Variants in INVS observed in about 807,000 individuals in gnomAD.
The protein encoded by INVS is inversion of embryo turning homolog.
Under a neutral mutation model 108.8 loss-of-function variants are expected in INVS, and 86 were observed. The ratio of observed to expected loss-of-function variants is 0.79; its 90% CI spans 0.66 to 0.95. The LOEUF is 0.95. Ranked by LOEUF, INVS falls within the 40% of genes least tolerant of loss-of-function variation. INVS has a pLI of 0.00. For synonymous variants in INVS, 455 were observed against 473.5 expected, an observed-to-expected ratio of 0.96 and a Z score of 0.51; for missense variants, 1,169 against 1,297.4, an observed-to-expected ratio of 0.90 and a Z score of 1.52.
At chr9:100,140,925 C>A (rs895011836) in intron 3 of INVS, among the ~76,000 whole-genome samples, 1 of 152,076 alleles carries the variant, frequency 6.6e-6, no homozygotes, top group Non-Finnish European at 1.5e-5. Flanking sequence ...ATTGGGAGGA[C>A]CTAGGACATT....
chr9:100,286,674 C>G (rs1013896591), intron 13 of INVS, among the ~76,000 whole-genome samples: 1 of 152,196 alleles, frequency 6.6e-6, no homozygotes, highest in African/African-American at 2.4e-5. Context: ...ATCCAACCAG[C>G]TTTAATTAAG....
chr9:100,153,920 T>C (rs1828885142), intron 3 of INVS, among the ~76,000 whole-genome samples: 1 of 152,218 alleles, frequency 6.6e-6, no homozygotes, highest in African/African-American at 2.4e-5. Flanking sequence ...GATACTGTCA[T>C]AACGATGATT....
At chr9:100,124,480 A>G (rs914044584) in intron 2 of INVS, among the ~76,000 whole-genome samples, 54 of 151,376 alleles carry the variant, frequency 3.6e-4, no homozygotes, top group African/African-American at 1.2e-3. Flanking sequence ...CAGGAGGCTG[A>G]GGCAGGGAGG....
intron 1 of INVS, 26 bp from the exon 2 acceptor site, chr9:100,104,472 G>A (rs762148481): frequency 1.7e-5 from 22 of 1,261,812 alleles, no homozygotes; most frequent in African/African-American, 2.9e-5. Context: ...TGCTGCATGC[G>A]CTCATTGTCT....
intron 3 of INVS, among the ~76,000 whole-genome samples, chr9:100,136,508 C>T (rs919192675): frequency 7.9e-5 from 12 of 152,124 alleles, no homozygotes; most frequent in Non-Finnish European, 1.8e-4. Flanking sequence ...AATACCTAAT[C>T]AGTGTTCAAA....
intron 3 of INVS, among the ~76,000 whole-genome samples, chr9:100,210,573 T>C (rs1830802942): frequency 6.6e-6 from 1 of 152,190 alleles, no homozygotes; most frequent in African/African-American, 2.4e-5. Context: ...AAGGACATCT[T>C]GGGGAAGTCA....
At chr9:100,131,101 C>T (rs1035362185) in intron 3 of INVS, among the ~76,000 whole-genome samples, 1 of 152,064 alleles carries the variant, frequency 6.6e-6, no homozygotes, top group Admixed American at 6.6e-5. Flanking sequence ...GCTCACATCT[C>T]TATTAGAGCC....
chr9:100,214,910 G>A (rs867942660), intron 3 of INVS: 8 of 152,236 alleles, frequency 5.3e-5, no homozygotes, highest in Non-Finnish European at 1.2e-4. Context: ...GAGGTCTCAT[G>A]TGTTTCCTTC....
intron 3 of INVS, among the ~76,000 whole-genome samples, chr9:100,167,093 C>T (rs375365830): frequency 1.3e-5 from 2 of 151,904 alleles, no homozygotes; most frequent in Admixed American, 6.6e-5. Context: ...TACCCAGATA[C>T]GGTGGTGTGT....
chr9:100,106,834 G>A (rs151289745), intron 2 of INVS, among the ~76,000 whole-genome samples: 3 of 152,170 alleles, frequency 2.0e-5, no homozygotes, highest in Non-Finnish European at 4.4e-5. Context: ...TGTCAGTAAG[G>A]AGGTAGACTA....
In INVS at chr9:100,250,732, TC is replaced by T. The variant is rs548622318; in HGVS notation, c.1079-1548del. Among the ~76,000 whole-genome samples the T allele has an allele frequency of 2.4e-3, 372 of 152,328 alleles. 1 individual carries two copies. Among genetic ancestry groups the T allele is most frequent in the Non-Finnish European group, 4.3e-3 (295 of 68,026 alleles). ...TCTACTGCCAAAATCCTTACTGGTC[TC>T]CCTGCTTATATTCTAATCTACTACA... On this transcript the variant is annotated intron_variant, in intron 8 of 16. Transcript: ENST00000262457.
Position 100,240,099 on chromosome 9 carries a change from T to C in INVS, c.655T>C (p.Tyr219His). ...AGAGTCTTTACTGAACTGGCAAGAC[T>C]ACGAGGGTCGAACTCCTCTTCACTT... ...PTESLLNWQDYEGRTPLHFAV... is the reference protein window; with the variant it reads ...PTESLLNWQDHEGRTPLHFAV... The change falls in exon 6 of 17, where the codon TAC (tyrosine) becomes CAC (histidine). Residue 219 changes from tyrosine to histidine, a missense_variant. Tyr to His is a moderately conservative substitution (Grantham distance 83, BLOSUM62 2). This residue lies in a region of INVS where 365 missense variants were observed against 397.5 expected (regional missense o/e 0.92). Transcript: ENST00000262457. 6.2e-7 allele frequency: 1 copy of C among 1,614,200 alleles called. No homozygotes were observed. The highest frequency in any genetic ancestry group is 8.5e-7 in the Non-Finnish European group (1 of 1,180,014).
intron 3 of INVS, among the ~76,000 whole-genome samples, chr9:100,150,634 A>G (rs1828779597): frequency 6.6e-6 from 1 of 152,098 alleles, no homozygotes; most frequent in Non-Finnish European, 1.5e-5. Context: ...TAATTACCTT[A>G]TGTCATAGGG....
chr9:100,117,618 G>T (rs1021740810), intron 2 of INVS: 8 of 192,310 alleles, frequency 4.2e-5, no homozygotes, highest in Non-Finnish European at 7.1e-5. Flanking sequence ...CGCCCCCCCC[G>T]CCCACCTCCC....
chr9:100,234,558 C>G (rs554520364), intron 5 of INVS, among the ~76,000 whole-genome samples: 1 of 152,092 alleles, frequency 6.6e-6, no homozygotes, highest in Admixed American at 6.6e-5. Flanking sequence ...GATTCTGGTA[C>G]GTTGTGTCTT....
chr9:100,150,022 G>A (rs954579640), intron 3 of INVS, among the ~76,000 whole-genome samples: 1 of 152,140 alleles, frequency 6.6e-6, no homozygotes, highest in East Asian at 1.9e-4. Context: ...TACTTTCTCA[G>A]ACTTCTTGTT....
chr9:100,284,334 AAAAC>A lies in INVS; in HGVS notation c.1804_1807del (p.Lys602GlufsTer64). The A allele has an allele frequency of 6.2e-7, 1 of 1,613,338 alleles. No individual in the cohort carries two copies. Among genetic ancestry groups the A allele is most frequent in the Non-Finnish European group, 8.5e-7 (1 of 1,180,046 alleles). ...TTTGCTTCCAGAAAGCGAGAGGAAG[AAAAC>A]AAACGAAAAGAGGCAGAACAGCAAA... On this transcript the variant is annotated frameshift_variant, in exon 13 of 17. Coordinates refer to ENST00000262457, the MANE Select transcript of INVS (RefSeq NM_014425.5). LOFTEE classifies it high-confidence loss of function.
At chr9:100,174,397 A>G (rs1176588417) in intron 3 of INVS, among the ~76,000 whole-genome samples, 3 of 152,024 alleles carry the variant, frequency 2.0e-5, no homozygotes, top group Non-Finnish European at 4.4e-5. Context: ...AAATTAACCA[A>G]TCTTTAAAAA....
chr9:100,166,655 G>C (rs1588054798), intron 3 of INVS, among the ~76,000 whole-genome samples: 1 of 152,174 alleles, frequency 6.6e-6, no homozygotes, highest in East Asian at 1.9e-4. Flanking sequence ...CTGTTCACCT[G>C]TATGATACTG....
Sources: allele counts gnomAD v4.1 joint callset (sites outside exome capture counted in the v4.1 genomes callset), GRCh38; gene constraint gnomAD v4.1.1; regional missense constraint gnomAD v4.1.1; transcripts MANE v1.5; gene names NCBI Gene and HGNC (gene_info 2026-07-23, HGNC 2026-07-21).